Variants in VIT observed in about 807,000 individuals in gnomAD.
VIT encodes vitrin.
VIT carries 99 observed loss-of-function variants against 78.0 expected under a neutral mutation model. The ratio of observed to expected loss-of-function variants is 1.27; its 90% CI spans 1.08 to 1.50. The LOEUF (loss-of-function observed/expected upper bound fraction) is 1.50. VIT is among the 40% of genes most tolerant of loss of function. The probability of loss-of-function intolerance (pLI) is 0.00; values close to 1 mark genes in which losing one functional copy is unlikely to be tolerated. For missense variants in VIT, 1,126 were observed against 875.3 expected, an observed-to-expected ratio of 1.29 and a Z score of -3.61; for synonymous variants, 374 against 334.3, an observed-to-expected ratio of 1.12 and a Z score of -1.29.
At position 36,791,077 on chromosome 2, in the gene VIT, T is replaced by G. The variant is rs1665468246; in HGVS notation, c.1058+3801T>G. Among the ~76,000 whole-genome samples, 3 of 152,226 alleles carry G rather than the reference T, an allele frequency of 2.0e-5. No individual in the cohort carries two copies. The South Asian group carries it at 6.2e-4, about 31-fold the overall frequency. On this transcript the variant is annotated intron_variant, in intron 12 of 15. Coordinates refer to ENST00000379242, the MANE Select transcript of VIT (RefSeq NM_053276.4). The stretch of plus-strand genomic sequence containing the variant: ...GGAACATAATTGCACACGTTCTTTG[T>G]AATCAACCCTAGGATATCAAAATTG...
At chr2:36,800,456 A>G (rs1666240052) in intron 12 of VIT, among the ~76,000 whole-genome samples, 2 of 152,232 alleles carry the variant, frequency 1.3e-5, no homozygotes, top group Admixed American at 1.3e-4. Context: ...GCAGCAGCAG[A>G]GCACTATGCC....
intron 11 of VIT, among the ~76,000 whole-genome samples, chr2:36,785,011 T>C (rs1349871962): frequency 6.6e-6 from 1 of 152,200 alleles, no homozygotes; most frequent in Non-Finnish European, 1.5e-5. Context: ...AATACGTTAA[T>C]CCTGAAAACA....
chr2:36,715,363 C>A (rs987145277), intron 1 of VIT, among the ~76,000 whole-genome samples: 3 of 151,938 alleles, frequency 2.0e-5, no homozygotes. Context: ...ATGGTGAAAC[C>A]CAGTCTCTAC....
At chr2:36,720,957 C>T (rs1326079736) in intron 2 of VIT, among the ~76,000 whole-genome samples, 5 of 151,856 alleles carry the variant, frequency 3.3e-5, no homozygotes, top group South Asian at 4.2e-4. Flanking sequence ...TCGCAGTGAG[C>T]TGAGATTGCG....
intron 8 of VIT, among the ~76,000 whole-genome samples, chr2:36,774,110 C>T (rs1015819163): frequency 1.1e-4 from 17 of 152,118 alleles, no homozygotes; most frequent in African/African-American, 2.4e-4. Context: ...ATTCAGTAAC[C>T]GGGCTCTTAC....
At chr2:36,771,974 A>C (rs567502243) in intron 7 of VIT, among the ~76,000 whole-genome samples, 3 of 152,316 alleles carry the variant, frequency 2.0e-5, no homozygotes, top group African/African-American at 7.2e-5. Context: ...CCCACAGAAA[A>C]AGGGATACAA....
chr2:36,723,035 G>A (rs1193952313), intron 2 of VIT, among the ~76,000 whole-genome samples: 1 of 151,084 alleles, frequency 6.6e-6, no homozygotes, highest in African/African-American at 2.4e-5. Flanking sequence ...GGAAAATACA[G>A]AAAACATAAA....
chr2:36,707,013 G>T (rs77345607), intron 1 of VIT, among the ~76,000 whole-genome samples: 2,413 of 152,062 alleles, frequency 0.016, 66 homozygotes, highest in African/African-American at 0.052. Flanking sequence ...TCCTCAAGGG[G>T]CTCTTCGGTG....
chr2:36,807,600 A>G (rs535515254), intron 14 of VIT, among the ~76,000 whole-genome samples: 8 of 152,336 alleles, frequency 5.3e-5, no homozygotes, highest in African/African-American at 1.9e-4. Flanking sequence ...TTAATTATAC[A>G]AGGGTAGTTG....
chr2:36,799,987 G>A (rs1454270172), intron 12 of VIT, among the ~76,000 whole-genome samples: 1 of 150,426 alleles, frequency 6.6e-6, no homozygotes, highest in African/African-American at 2.5e-5. Context: ...GGTGGAGACT[G>A]CAGTGAGCCA....
At chr2:36,789,702 C>T (rs563434902) in intron 12 of VIT, among the ~76,000 whole-genome samples, 47 of 152,172 alleles carry the variant, frequency 3.1e-4, no homozygotes, top group Non-Finnish European at 6.0e-4. Flanking sequence ...TGGGTTCTCA[C>T]CAGATTCTAA....
chr2:36,754,886 G>A (rs1558541841), intron 4 of VIT, 35 bp from the exon 5 acceptor site: 1 of 1,599,390 alleles, frequency 6.3e-7, no homozygotes, highest in East Asian at 2.3e-5. Flanking sequence ...AAATATTTCT[G>A]TTCTTTCCTG....
chr2:36,710,830 A>G (rs1341705588), intron 1 of VIT, among the ~76,000 whole-genome samples: 1 of 152,194 alleles, frequency 6.6e-6, no homozygotes, highest in East Asian at 1.9e-4. Flanking sequence ...CATCGTTCCC[A>G]GTTTGGAGCT....
intron 1 of VIT, among the ~76,000 whole-genome samples, chr2:36,711,371 G>C (rs1665786422): frequency 6.6e-6 from 1 of 152,114 alleles, no homozygotes; most frequent in East Asian, 1.9e-4. Context: ...AGAGATTTAA[G>C]AAAAGTCCAT....
intron 3 of VIT, 34 bp downstream of exon 3, chr2:36,729,525 G>C: frequency 6.3e-7 from 1 of 1,591,644 alleles, no homozygotes; most frequent in Non-Finnish European, 8.5e-7. Flanking sequence ...CTGGCATAAT[G>C]CTTGTTTCTC....
chr2:36,794,213 C>A (rs1170525807), intron 12 of VIT, among the ~76,000 whole-genome samples: 1 of 152,168 alleles, frequency 6.6e-6, no homozygotes, highest in Non-Finnish European at 1.5e-5. Flanking sequence ...CCCTGTCATT[C>A]CTCTTCATTA....
intron 13 of VIT, among the ~76,000 whole-genome samples, chr2:36,804,706 T>A (rs1235983000): frequency 6.6e-6 from 1 of 152,092 alleles, no homozygotes; most frequent in Non-Finnish European, 1.5e-5. Flanking sequence ...GGTGCGTGCC[T>A]GTAGTCCCAG....
chr2:36,798,904 A>T (rs563103769), intron 12 of VIT, among the ~76,000 whole-genome samples: 1 of 152,276 alleles, frequency 6.6e-6, no homozygotes, highest in South Asian at 2.1e-4. Context: ...AGATCAAGAC[A>T]CTTCACACTG....
intron 12 of VIT, among the ~76,000 whole-genome samples, chr2:36,795,790 T>G (rs1665854677): frequency 6.6e-6 from 1 of 152,168 alleles, no homozygotes; most frequent in Admixed American, 6.5e-5. Flanking sequence ...TGTGCTTGTC[T>G]TTGGTGATTT....
Sources: allele counts gnomAD v4.1 joint callset (sites outside exome capture counted in the v4.1 genomes callset), GRCh38; gene constraint gnomAD v4.1.1; transcripts MANE v1.5; gene names NCBI Gene and HGNC (gene_info 2026-07-23, HGNC 2026-07-21).